The following OTUD7A variants were observed in gnomAD, a reference collection of about 807,000 sequenced individuals.
OTUD7A encodes the protein OTU deubiquitinase 7A.
A neutral mutation model predicts 65.7 loss-of-function variants in OTUD7A; 12 were observed. That is an observed-to-expected ratio of 0.18 (90% CI 0.12 to 0.30). The LOEUF (loss-of-function observed/expected upper bound fraction) is 0.30, where lower values mean the gene tolerates loss of function less well. OTUD7A is among the 10% of genes least tolerant of loss of function. The pLI is 1.00. For synonymous variants in OTUD7A, 641 were observed against 586.3 expected (o/e 1.09, Z -1.35); for missense variants, 1,148 against 1,304.8 (o/e 0.88, Z 1.85).
intron 1 of OTUD7A, among the ~76,000 whole-genome samples, chr15:31,789,818 G>A (rs549897445): frequency 6.6e-6 from 1 of 150,918 alleles, no homozygotes; most frequent in Non-Finnish European, 1.5e-5. Context: ...CGATTCTCCT[G>A]CTGAGGTTGG....
intron 1 of OTUD7A, among the ~76,000 whole-genome samples, chr15:31,791,079 T>A (rs1471715181): frequency 6.6e-6 from 1 of 152,156 alleles, no homozygotes; most frequent in Non-Finnish European, 1.5e-5. Context: ...CAGGCTGGAG[T>A]GCAGTGGCTC....
At position 31,487,559 on chromosome 15, in the gene OTUD7A, G is replaced by A; in HGVS notation, c.1179C>T (p.Ile393=). The change falls in exon 11 of 13, where the codon ATC becomes ATT. Residue 393 remains isoleucine (I), a synonymous_variant. Coordinates refer to ENST00000307050, the MANE Select transcript of OTUD7A (RefSeq NM_001382637.1). This position sits in a 1 kb window ranked among gnomAD's most constrained non-coding sequence, Gnocchi z 6.0. ...QRDQQREQAV[I]PLTDSEHKLL... ...GCTTGTGCTCAGAATCCGTCAGGGGGATCACGGCTGGAACAGAAGAGACAG... is the reference window on the plus strand; with the variant it reads ...GCTTGTGCTCAGAATCCGTCAGGGGAATCACGGCTGGAACAGAAGAGACAG... 6.2e-7 allele frequency: 1 copy of A among 1,613,274 alleles called. No homozygotes were observed. The highest frequency in any genetic ancestry group is 8.5e-7 in the Non-Finnish European group (1 of 1,179,698).
chr15:31,836,878 T>C (rs552396452), intron 1 of OTUD7A, among the ~76,000 whole-genome samples: 2 of 152,308 alleles, frequency 1.3e-5, no homozygotes, highest in African/African-American at 4.8e-5. Flanking sequence ...CAGATAGCTA[T>C]ATCATAATGA....
chr15:31,684,164 AAT>A (rs1310315075), intron 1 of OTUD7A, among the ~76,000 whole-genome samples: 2 of 152,176 alleles, frequency 1.3e-5, no homozygotes, highest in Non-Finnish European at 2.9e-5. Context: ...AAGCCTCCCT[AAT>A]CAATGGCCAA....
At chr15:31,514,959 G>A (rs2041820357) in intron 8 of OTUD7A, among the ~76,000 whole-genome samples, 1 of 152,224 alleles carries the variant, frequency 6.6e-6, no homozygotes, top group South Asian at 2.1e-4. Context: ...AGCCTGCCCA[G>A]CCACACCTGA....
At chr15:31,575,170 A>G (rs1889166881) in intron 3 of OTUD7A, among the ~76,000 whole-genome samples, 1 of 152,248 alleles carries the variant, frequency 6.6e-6, no homozygotes, top group Admixed American at 6.5e-5. Context: ...CACAGTAGGA[A>G]TGATAAAAAT....
At chr15:31,787,304 TAAATGA>T (rs997447672) in intron 1 of OTUD7A, among the ~76,000 whole-genome samples, 3 of 152,232 alleles carry the variant, frequency 2.0e-5, no homozygotes, top group African/African-American at 7.2e-5. Context: ...ATTTAATTCT[TAAATGA>T]AACAGCAAGA....
Position 31,633,678 on chromosome 15 carries a change from A to C in OTUD7A, c.151+21418T>G, listed in dbSNP as rs566008444. Among the ~76,000 whole-genome samples the C allele has an allele frequency of 5.3e-5, 8 of 152,104 alleles. No individual in the cohort carries two copies. The South Asian group carries it at 1.7e-3, about 32-fold the overall frequency. On this transcript the variant is annotated intron_variant, in intron 3 of 12. Transcript: ENST00000307050. ...ACTGCTCAGATATGCTGCCATGACC[A>C]CCCTTCACTCACAGCATGGCCTCCT...
chr15:31,811,920 AG>A (rs1310750020), intron 1 of OTUD7A, among the ~76,000 whole-genome samples: 3 of 152,142 alleles, frequency 2.0e-5, no homozygotes, highest in Non-Finnish European at 2.9e-5. Flanking sequence ...GCACAGCGGG[AG>A]GGGTCAGCTT....
At chr15:31,502,374 G>A (rs530272734) in intron 9 of OTUD7A, among the ~76,000 whole-genome samples, 2 of 152,272 alleles carry the variant, frequency 1.3e-5, no homozygotes, top group South Asian at 4.1e-4. Context: ...TAAAAAAAGA[G>A]GGCAGAAAAG....
chr15:31,834,248 G>A (rs78081461), intron 1 of OTUD7A, among the ~76,000 whole-genome samples: 2,089 of 152,296 alleles, frequency 0.014, 42 homozygotes, highest in African/African-American at 0.048. Context: ...AGTTCACGGT[G>A]CAATTCTGCC....
At chr15:31,494,129 T>C (rs2141072862) in intron 10 of OTUD7A, among the ~76,000 whole-genome samples, 1 of 152,368 alleles carries the variant, frequency 6.6e-6, no homozygotes, top group Non-Finnish European at 1.5e-5. Context: ...TTTGGATTGG[T>C]CATTGGTCTA....
chr15:31,819,879 A>G (rs1896638753), intron 1 of OTUD7A, among the ~76,000 whole-genome samples: 2 of 152,122 alleles, frequency 1.3e-5, no homozygotes, highest in African/African-American at 4.8e-5. Context: ...TCAAAATTAT[A>G]ATGACAGTAT....
At position 31,479,671 on chromosome 15, in the gene OTUD7A, GGGTGA is replaced by G. The variant is rs2041086861; in HGVS notation, c.*3618_*3622del. 1.4e-5 allele frequency: 1 copy of G among 71,968 alleles called. No homozygotes were observed. Among genetic ancestry groups the G allele is most frequent in the Non-Finnish European group, 3.2e-5 (1 of 30,892 alleles). The allele number at this position is 71,968 out of a possible 1,614,324, so 4.5% of individuals were successfully genotyped here. A position where few individuals can be genotyped will look rare whatever the true frequency, so the allele number is the denominator to read the frequency against. ...TTTGTGGACACTAAGTGGGGGGGGG[GGGTGA>G]TGGGCCCATGACCCCTCCCCAGAGA... On this transcript the variant is annotated 3_prime_UTR_variant, in exon 13 of 13. Transcript: ENST00000307050.
At chr15:31,623,244 C>T (rs113147471) in intron 3 of OTUD7A, among the ~76,000 whole-genome samples, 4 of 152,208 alleles carry the variant, frequency 2.6e-5, no homozygotes, top group African/African-American at 9.7e-5. Flanking sequence ...TCTGTCTGTT[C>T]TCAGATCTCA....
intron 3 of OTUD7A, among the ~76,000 whole-genome samples, chr15:31,632,817 G>A (rs1340480336): frequency 2.0e-5 from 3 of 152,210 alleles, no homozygotes; most frequent in South Asian, 2.1e-4. Flanking sequence ...TCAAGCCTGG[G>A]CAATGGCAGG....
rs557645673 is a variant in OTUD7A at position 31,566,094 on chromosome 15, A to G, written c.331+3924T>C. On this transcript the variant is annotated intron_variant, in intron 4 of 12. Coordinates refer to ENST00000307050, the MANE Select transcript of OTUD7A (RefSeq NM_001382637.1). ...GTGTCCCAGTTACTCGGGAGGCTGA[A>G]GCAGGAGAATGGTGTGAACCCATGA... Among the ~76,000 whole-genome samples, 52 of 151,994 alleles carry G rather than the reference A, an allele frequency of 3.4e-4. 1 individual carries two copies. Among genetic ancestry groups the G allele is most frequent in the Non-Finnish European group, 4.4e-4 (30 of 67,918 alleles).
chr15:31,487,117 G>T lies in OTUD7A; in HGVS notation c.1371+77C>A. ...GGCAAGAGTGTGGGAGCATTTGGGAGGATGCACCCTGGTCAGACTGGAGCT... is the reference window on the plus strand; with the variant it reads ...GGCAAGAGTGTGGGAGCATTTGGGATGATGCACCCTGGTCAGACTGGAGCT... On this transcript the variant is annotated intron_variant, in intron 12 of 12. Coordinates refer to ENST00000307050, the MANE Select transcript of OTUD7A (RefSeq NM_001382637.1). The surrounding 1 kb of genome is among the most constrained non-coding windows in gnomAD (Gnocchi z 6.0). 1.4e-6 allele frequency: 2 copies of T among 1,405,166 alleles called. No individual in the cohort carries two copies. The highest frequency in any genetic ancestry group is 2.0e-6 in the Non-Finnish European group (2 of 1,008,216). 87.0% of individuals were successfully genotyped at this position (1,405,166 alleles called of 1,614,324 possible).
intron 4 of OTUD7A, among the ~76,000 whole-genome samples, chr15:31,561,333 C>T (rs1454178069): frequency 6.6e-6 from 1 of 152,212 alleles, no homozygotes; most frequent in Non-Finnish European, 1.5e-5. Context: ...GCTGAGGCCA[C>T]TCATCTTGCC....
Sources: allele counts gnomAD v4.1 joint callset (sites outside exome capture counted in the v4.1 genomes callset), GRCh38; gene constraint gnomAD v4.1.1; non-coding constraint Gnocchi (gnomAD v3.1); transcripts MANE v1.5; gene names NCBI Gene and HGNC (gene_info 2026-07-23, HGNC 2026-07-21).